OSBPL8: variants seen among roughly 807,000 people sequenced by gnomAD.
OSBPL8 encodes the protein oxysterol binding protein like 8.
Under a neutral mutation model 125.5 loss-of-function variants are expected in OSBPL8, and 59 were observed. That is an observed-to-expected ratio of 0.47 (90% confidence interval 0.38 to 0.58). The LOEUF (loss-of-function observed/expected upper bound fraction) is 0.58, where lower values mean the gene tolerates loss of function less well. Ranked by LOEUF, OSBPL8 falls within the 20% of genes least tolerant of loss-of-function variation. OSBPL8 has a pLI of 0.00. For synonymous variants in OSBPL8, 330 were observed against 338.9 expected, an observed-to-expected ratio of 0.97 and a Z score of 0.29; for missense variants, 758 against 1,047.8, an observed-to-expected ratio of 0.72 and a Z score of 3.82.
At chr12:76,472,462 G>A (rs950308748) in intron 2 of OSBPL8, among the ~76,000 whole-genome samples, 1 of 152,202 alleles carries the variant, frequency 6.6e-6, no homozygotes, top group African/African-American at 2.4e-5. Flanking sequence ...AGAGATAAGA[G>A]AAAAGACAGC....
At chr12:76,422,203 T>G (rs556090118) in intron 4 of OSBPL8, among the ~76,000 whole-genome samples, 1 of 152,248 alleles carries the variant, frequency 6.6e-6, no homozygotes, top group Non-Finnish European at 1.5e-5. Context: ...ATTTTGTGTT[T>G]ATCTCAAGTC....
intron 2 of OSBPL8, among the ~76,000 whole-genome samples, chr12:76,475,891 A>G (rs1443040147): frequency 1.3e-5 from 2 of 152,172 alleles, no homozygotes; most frequent in African/African-American, 4.8e-5. Context: ...ACACAGTCCT[A>G]AGTAAGCATT....
chr12:76,446,397 A>G (rs549244200), intron 4 of OSBPL8, among the ~76,000 whole-genome samples: 1 of 152,210 alleles, frequency 6.6e-6, no homozygotes, highest in African/African-American at 2.4e-5. Flanking sequence ...AACCAGAGGA[A>G]GGTATTTTGC....
At chr12:76,491,141 C>T (rs56786063) in intron 1 of OSBPL8, among the ~76,000 whole-genome samples, 6,605 of 152,242 alleles carry the variant, frequency 0.043, 518 homozygotes, top group African/African-American at 0.15. Flanking sequence ...TGAGGCACCC[C>T]TGTCAGGAGT....
At chr12:76,431,147 C>G (rs1870767988) in intron 4 of OSBPL8, among the ~76,000 whole-genome samples, 1 of 151,740 alleles carries the variant, frequency 6.6e-6, no homozygotes, top group Non-Finnish European at 1.5e-5. Context: ...TGTGGAGTAT[C>G]TAAAGATAGC....
intron 1 of OSBPL8, among the ~76,000 whole-genome samples, chr12:76,514,982 A>T (rs1881390229): frequency 6.6e-6 from 1 of 152,176 alleles, no homozygotes; most frequent in Non-Finnish European, 1.5e-5. Context: ...ATACTGTGTT[A>T]TTCAGCTCTG....
rs1212959104 is a variant in OSBPL8 at position 76,397,580 on chromosome 12, C to T, written c.672+114G>A. On this transcript the variant is annotated intron_variant, in intron 8 of 23. Coordinates refer to ENST00000261183, the MANE Select transcript of OSBPL8 (RefSeq NM_020841.5). ...AATGGGGGAATAATGCAATGGAAAG[C>T]AGAACAGATTTATAAGTCCTGGCAG... 3 of 1,058,556 alleles carry T rather than the reference C, an allele frequency of 2.8e-6. No homozygotes were observed. In the African/African-American group the frequency reaches 4.8e-5, roughly 17 times the overall value. 65.6% of individuals were successfully genotyped at this position (1,058,556 alleles called of 1,614,324 possible).
intron 1 of OSBPL8, among the ~76,000 whole-genome samples, chr12:76,557,057 C>T (rs1389539839): frequency 1.3e-5 from 2 of 152,134 alleles, no homozygotes; most frequent in East Asian, 3.9e-4. Flanking sequence ...CTTTGAATTG[C>T]CTGATGCTCC....
In OSBPL8 at chr12:76,380,878, T is replaced by C. The variant is rs545484813; in HGVS notation, c.1631-2328A>G. 2.9e-4 allele frequency among the ~76,000 whole-genome samples: 44 copies of C among 152,328 alleles called. No homozygotes were observed. The Middle Eastern group carries it at 0.014, about 47-fold the overall frequency. On this transcript the variant is annotated intron_variant, in intron 15 of 23. Coordinates refer to ENST00000261183, the MANE Select transcript of OSBPL8 (RefSeq NM_020841.5). ...CCTTAAAAGTATGAAGTTGGCTATA[T>C]ATTTTTCATAGATGCCTTTAATCTA...
intron 1 of OSBPL8, among the ~76,000 whole-genome samples, chr12:76,541,791 G>C (rs1013309804): frequency 1.3e-5 from 2 of 151,990 alleles, no homozygotes; most frequent in Admixed American, 1.3e-4. Flanking sequence ...GGGAGGTGGA[G>C]GCTGCAGTGA....
chr12:76,534,423 A>G (rs1409780658), intron 1 of OSBPL8: 2 of 152,218 alleles, frequency 1.3e-5, no homozygotes, highest in Admixed American at 6.5e-5. Context: ...ACCCCAATTT[A>G]CTGACCTTGT....
chr12:76,412,129 G>A (rs995804506), intron 4 of OSBPL8, among the ~76,000 whole-genome samples: 3 of 152,052 alleles, frequency 2.0e-5, no homozygotes, highest in Non-Finnish European at 4.4e-5. Flanking sequence ...TGGCTATTAA[G>A]AGTAAAATTA....
At chr12:76,386,863 T>C (rs1446259305) in intron 12 of OSBPL8, among the ~76,000 whole-genome samples, 1 of 152,172 alleles carries the variant, frequency 6.6e-6, no homozygotes. Flanking sequence ...TTCCCCCATT[T>C]TCCTATTCTT....
chr12:76,390,029 A>G (rs1421183573), intron 11 of OSBPL8, 200 bp from the exon 12 acceptor site: 3 of 422,566 alleles, frequency 7.1e-6, no homozygotes, highest in Non-Finnish European at 1.2e-5. Context: ...ATCAAAGTGA[A>G]CAATATATAC....
At chr12:76,443,448 T>C (rs1040660463) in intron 4 of OSBPL8, among the ~76,000 whole-genome samples, 7 of 152,146 alleles carry the variant, frequency 4.6e-5, no homozygotes, top group South Asian at 4.1e-4. Flanking sequence ...TTTGGCATTG[T>C]CCTTAGTTAA....
intron 1 of OSBPL8, among the ~76,000 whole-genome samples, chr12:76,554,817 G>A (rs1312513608): frequency 6.6e-6 from 1 of 152,050 alleles, no homozygotes; most frequent in Admixed American, 6.6e-5. Flanking sequence ...AAATTAGTAG[G>A]TAACTGGCTT....
intron 4 of OSBPL8, among the ~76,000 whole-genome samples, chr12:76,427,355 G>C (rs1218490468): frequency 6.6e-6 from 1 of 151,884 alleles, no homozygotes; most frequent in Non-Finnish European, 1.5e-5. Flanking sequence ...ATGTGTATAT[G>C]TGTATTGTTT....
intron 4 of OSBPL8, among the ~76,000 whole-genome samples, chr12:76,418,705 G>A (rs1422038819): frequency 6.6e-6 from 1 of 151,970 alleles, no homozygotes; most frequent in East Asian, 1.9e-4. Flanking sequence ...GGTAGCACAT[G>A]CCTGTAATCC....
chr12:76,496,051 A>G (rs1055556338), intron 1 of OSBPL8, among the ~76,000 whole-genome samples: 1 of 152,078 alleles, frequency 6.6e-6, no homozygotes, highest in African/African-American at 2.4e-5. Flanking sequence ...CCAATTTACC[A>G]TCTTTGGCCC....
Sources: allele counts gnomAD v4.1 joint callset (sites outside exome capture counted in the v4.1 genomes callset), GRCh38; gene constraint gnomAD v4.1.1; transcripts MANE v1.5; gene names NCBI Gene and HGNC (gene_info 2026-07-23, HGNC 2026-07-21).